The following PID1 variants were observed in gnomAD, a reference collection of about 807,000 sequenced individuals.
PID1 encodes phosphotyrosine interaction domain containing 1, also known as PTB-containing, cubilin and LRP1-interacting protein.
PID1 carries 10 observed loss-of-function variants against 19.1 expected under a neutral mutation model. The ratio of observed to expected loss-of-function variants is 0.52; its 90% confidence interval spans 0.32 to 0.89. PID1 has a LOEUF of 0.89. Among genes scored for constraint, PID1 ranks in the 40% least tolerant of loss-of-function variants. PID1 has a pLI of 0.03. For missense variants in PID1, 248 were observed against 285.3 expected, an observed-to-expected ratio of 0.87 and a Z score of 0.94; for synonymous variants, 130 against 116.0, an observed-to-expected ratio of 1.12 and a Z score of -0.78.
At chr2:229,161,783 G>A (rs1432270621) in intron 1 of PID1, among the ~76,000 whole-genome samples, 1 of 152,184 alleles carries the variant, frequency 6.6e-6, no homozygotes, top group East Asian at 1.9e-4. Context: ...ATCCCACTTA[G>A]GTGGCACATG....
At chr2:229,242,920 G>A (rs1689910754) in intron 1 of PID1, among the ~76,000 whole-genome samples, 1 of 152,106 alleles carries the variant, frequency 6.6e-6, no homozygotes, top group Non-Finnish European at 1.5e-5. Flanking sequence ...AACAGCCTGA[G>A]TTCACAGCTC....
In PID1 at chr2:229,168,962, C is replaced by T. The variant is rs1181256005; in HGVS notation, c.31-12998G>A. Among the ~76,000 whole-genome samples, 4 of 152,228 alleles carry T rather than the reference C, an allele frequency of 2.6e-5. No individual in the cohort carries two copies. The East Asian group carries it at 5.8e-4, about 22-fold the overall frequency. ...GGAGTCTGGTTTGCTTAAAAGTAAT[C>T]ATCCATTATTGCCTCAATATTCCTA... On this transcript the variant is annotated intron_variant, in intron 1 of 2. Coordinates refer to ENST00000392055, the MANE Select transcript of PID1 (RefSeq NM_001100818.2).
chr2:229,236,046 T>C (rs1047463076), intron 1 of PID1, among the ~76,000 whole-genome samples: 3 of 152,146 alleles, frequency 2.0e-5, no homozygotes, highest in Admixed American at 2.0e-4. Context: ...TGGAACAAGA[T>C]TCCCTGAGAT....
intron 2 of PID1, among the ~76,000 whole-genome samples, chr2:229,072,810 T>C (rs528622720): frequency 6.6e-6 from 1 of 152,294 alleles, no homozygotes; most frequent in South Asian, 2.1e-4. Flanking sequence ...AGGAGTTTAA[T>C]CAGTGGGAAA....
intron 2 of PID1, among the ~76,000 whole-genome samples, chr2:229,099,767 T>C (rs1236527685): frequency 6.6e-6 from 1 of 152,222 alleles, no homozygotes; most frequent in Non-Finnish European, 1.5e-5. Flanking sequence ...AGAAAGTGAT[T>C]GGAGGAAAAC....
Position 229,025,585 on chromosome 2 carries a change from T to G in PID1, c.*47A>C. 16 of 1,428,170 alleles carry G rather than the reference T, an allele frequency of 1.1e-5. No homozygotes were observed. Among genetic ancestry groups the G allele is most frequent in the Non-Finnish European group, 1.6e-5 (16 of 1,022,874 alleles). 88.5% of individuals were successfully genotyped at this position (1,428,170 alleles called of 1,614,324 possible). ...AACGTTGCTTACTCATCTATTCCCT[T>G]GAACTCCGTGACCAATGCTGCCTTT... On this transcript the variant is annotated 3_prime_UTR_variant, in exon 3 of 3. Coordinates refer to ENST00000392055, the MANE Select transcript of PID1 (RefSeq NM_001100818.2).
intron 1 of PID1, among the ~76,000 whole-genome samples, chr2:229,259,506 G>T (rs1430833313): frequency 1.3e-5 from 2 of 152,122 alleles, no homozygotes; most frequent in African/African-American, 4.8e-5. Flanking sequence ...TACACACAAA[G>T]GCACAAAGAT....
intron 1 of PID1, among the ~76,000 whole-genome samples, chr2:229,206,185 G>C (rs1406088797): frequency 6.7e-6 from 1 of 149,930 alleles, no homozygotes; most frequent in Admixed American, 6.6e-5. Flanking sequence ...CACACTCTGG[G>C]AACATTCCTC....
chr2:229,174,706 C>A (rs1251081397), intron 1 of PID1, among the ~76,000 whole-genome samples: 1 of 132,962 alleles, frequency 7.5e-6, no homozygotes, highest in Admixed American at 8.1e-5. Context: ...AGCTTCCTCC[C>A]ACTGAAAATG....
At chr2:229,154,111 C>T (rs1279788900) in intron 2 of PID1, among the ~76,000 whole-genome samples, 2 of 152,130 alleles carry the variant, frequency 1.3e-5, no homozygotes, top group Non-Finnish European at 2.9e-5. Flanking sequence ...GACAATAGCT[C>T]TTGGGAAGTT....
rs1253245426 is a variant in PID1, at chr2:229,249,500, G to A, written c.30+21514C>T. On this transcript the variant is annotated intron_variant, in intron 1 of 2. Coordinates refer to ENST00000392055, the MANE Select transcript of PID1 (RefSeq NM_001100818.2). ...TTCACTGAGCTTGTATGGTGTTGCCGGCCTTGTATTCCAAGTATTATTCCA... is the reference window on the plus strand; with the variant it reads ...TTCACTGAGCTTGTATGGTGTTGCCAGCCTTGTATTCCAAGTATTATTCCA... 3.3e-5 allele frequency among the ~76,000 whole-genome samples: 5 copies of A among 152,134 alleles called. No individual in the cohort carries two copies. The East Asian group carries it at 5.8e-4, about 18-fold the overall frequency.
At chr2:229,245,889 AG>A (rs780466688) in intron 1 of PID1, among the ~76,000 whole-genome samples, 1 of 152,112 alleles carries the variant, frequency 6.6e-6, no homozygotes, top group Non-Finnish European at 1.5e-5. Flanking sequence ...ACTTAGGCCA[AG>A]GGAATGTTTA....
At chr2:229,254,221 C>A (rs371196323) in intron 1 of PID1, among the ~76,000 whole-genome samples, 36 of 152,152 alleles carry the variant, frequency 2.4e-4, no homozygotes, top group Middle Eastern at 3.4e-3. Flanking sequence ...TAGAATAGTT[C>A]CCCAAAGCAA....
At chr2:229,267,131 C>T (rs1690610803) in intron 1 of PID1, among the ~76,000 whole-genome samples, 3 of 152,200 alleles carry the variant, frequency 2.0e-5, no homozygotes, top group Admixed American at 2.0e-4. Flanking sequence ...CTAAAATCCC[C>T]AAATAGTATT....
intron 2 of PID1, among the ~76,000 whole-genome samples, chr2:229,124,203 T>G (rs2106160990): frequency 6.6e-6 from 1 of 152,188 alleles, no homozygotes; most frequent in African/African-American, 2.4e-5. Context: ...TAACAAGGAG[T>G]TTCAAAAGGG....
At chr2:229,161,699 A>C (rs540377582) in intron 1 of PID1, among the ~76,000 whole-genome samples, 1 of 152,324 alleles carries the variant, frequency 6.6e-6, no homozygotes, top group African/African-American at 2.4e-5. Context: ...TCTAAGACAA[A>C]GCCCTCCGAG....
At chr2:229,256,372 A>G (rs191673315) in intron 1 of PID1, among the ~76,000 whole-genome samples, 12 of 152,338 alleles carry the variant, frequency 7.9e-5, no homozygotes, top group Admixed American at 5.2e-4. Flanking sequence ...GAAGGAGCCG[A>G]AGGAAATATT....
intron 1 of PID1, among the ~76,000 whole-genome samples, chr2:229,201,540 G>C (rs952381882): frequency 1.3e-5 from 2 of 152,126 alleles, no homozygotes; most frequent in East Asian, 1.9e-4. Context: ...TGGACACCTG[G>C]GTTGCTTCCA....
intron 1 of PID1, among the ~76,000 whole-genome samples, chr2:229,164,562 T>C (rs2106203926): frequency 6.6e-6 from 1 of 152,348 alleles, no homozygotes; most frequent in Non-Finnish European, 1.5e-5. Flanking sequence ...ATTAAAATGC[T>C]AACAATCAAT....
Sources: gnomAD v4.1 joint callset for allele counts (sites outside exome capture counted in the v4.1 genomes callset) on GRCh38, gnomAD v4.1.1 for gene constraint, MANE v1.5 for transcripts, NCBI Gene and HGNC (gene_info 2026-07-23, HGNC 2026-07-21) for gene names.